The following MACROD2 variants were observed in gnomAD, a reference collection of about 807,000 sequenced individuals.
MACROD2 encodes the protein mono-ADP ribosylhydrolase 2, also known as ADP-ribose glycohydrolase MACROD2.
In MACROD2, 36 loss-of-function variants were observed where a neutral mutation model predicts 70.4. That is an observed-to-expected ratio of 0.51 (90% CI 0.39 to 0.68). The LOEUF is 0.68. MACROD2 is among the 30% of genes least tolerant of loss of function. The pLI is 0.00. For synonymous variants in MACROD2, 172 were observed against 178.8 expected, an observed-to-expected ratio of 0.96 and a Z score of 0.30; for missense variants, 496 against 538.4, an observed-to-expected ratio of 0.92 and a Z score of 0.78.
Position 14,326,277 on chromosome 20 carries a change from T to A in MACROD2, c.272-167202T>A. 6.2e-7 allele frequency: 1 copy of A among 1,613,910 alleles called. No individual in the cohort carries two copies. Among genetic ancestry groups the A allele is most frequent in the East Asian group, 2.2e-5 (1 of 44,856 alleles). On this transcript the variant is annotated intron_variant, in intron 3 of 17. Coordinates refer to ENST00000684519, the MANE Select transcript of MACROD2 (RefSeq NM_001351661.2). The surrounding 1 kb of genome is among the most constrained non-coding windows in gnomAD (Gnocchi z 5.5). ...TGACAGACTTCACAGTAATTGTAATTGTTTTTCTTGAGGGACTCCCTGTGG... is the reference window on the plus strand; with the variant it reads ...TGACAGACTTCACAGTAATTGTAATAGTTTTTCTTGAGGGACTCCCTGTGG...
intron 5 of MACROD2, among the ~76,000 whole-genome samples, chr20:14,914,167 A>G (rs1450107594): frequency 3.3e-5 from 5 of 152,178 alleles, no homozygotes; most frequent in Non-Finnish European, 5.9e-5. Context: ...TCCCTAACTC[A>G]GAGGAAACAT....
intron 5 of MACROD2, among the ~76,000 whole-genome samples, chr20:15,028,925 T>C (rs2075254168): frequency 6.6e-6 from 1 of 152,140 alleles, no homozygotes; most frequent in Admixed American, 6.5e-5. Context: ...TCGTGAATGG[T>C]GAGAGTCATT....
chr20:14,964,399 C>T (rs2074612425), intron 5 of MACROD2, among the ~76,000 whole-genome samples: 1 of 151,718 alleles, frequency 6.6e-6, no homozygotes, highest in South Asian at 2.1e-4. Flanking sequence ...GGTGAAACCC[C>T]GTCTCTACTA....
intron 5 of MACROD2, among the ~76,000 whole-genome samples, chr20:14,815,341 T>G (rs1480736171): frequency 6.6e-6 from 1 of 152,084 alleles, no homozygotes; most frequent in African/African-American, 2.4e-5. Flanking sequence ...ATCTTAAAAG[T>G]AGATGCATTT....
At chr20:15,162,919 C>G (rs2076358492) in intron 5 of MACROD2, among the ~76,000 whole-genome samples, 1 of 151,970 alleles carries the variant, frequency 6.6e-6, no homozygotes, top group African/African-American at 2.4e-5. Context: ...ATAAACATGA[C>G]TGTATAAAAT....
intron 3 of MACROD2, among the ~76,000 whole-genome samples, chr20:14,266,593 C>A (rs2082146258): frequency 6.6e-6 from 1 of 152,028 alleles, no homozygotes; most frequent in Non-Finnish European, 1.5e-5. Flanking sequence ...TAGCATATGT[C>A]CCTCTCTTCA....
intron 6 of MACROD2, among the ~76,000 whole-genome samples, chr20:15,422,899 G>A (rs963162859): frequency 6.6e-6 from 1 of 152,160 alleles, no homozygotes; most frequent in Non-Finnish European, 1.5e-5. Flanking sequence ...ACCTGTGCTT[G>A]TGCTTTCCAT....
chr20:14,485,437 C>G (rs866523732), intron 3 of MACROD2, among the ~76,000 whole-genome samples: 16 of 152,226 alleles, frequency 1.1e-4, no homozygotes, highest in East Asian at 3.9e-4. Context: ...CGTGGTGGCT[C>G]ACGCCTGTAA....
intron 5 of MACROD2, among the ~76,000 whole-genome samples, chr20:15,062,319 A>G (rs1367160228): frequency 6.6e-6 from 1 of 152,198 alleles, no homozygotes; most frequent in Non-Finnish European, 1.5e-5. Flanking sequence ...TAGTTGAGCA[A>G]TGATTTGTTT....
chr20:14,832,594 AG>A (rs772340310), intron 5 of MACROD2, among the ~76,000 whole-genome samples: 5 of 152,096 alleles, frequency 3.3e-5, no homozygotes, highest in African/African-American at 7.2e-5. Flanking sequence ...ACTGGTCTCA[AG>A]GGAATCCAAC....
intron 3 of MACROD2, among the ~76,000 whole-genome samples, chr20:14,482,646 T>A (rs945034243): frequency 1.3e-5 from 2 of 152,104 alleles, no homozygotes; most frequent in African/African-American, 4.8e-5. Context: ...AAATGATGTG[T>A]GTAGATTGGA....
chr20:14,848,066 CT>C (rs1366761150), intron 5 of MACROD2, among the ~76,000 whole-genome samples: 3 of 152,172 alleles, frequency 2.0e-5, no homozygotes, highest in Non-Finnish European at 4.4e-5. Flanking sequence ...TTTCTTCTCA[CT>C]ACAGATGAAA....
chr20:15,418,345 C>T (rs930064660), intron 6 of MACROD2, among the ~76,000 whole-genome samples: 9 of 152,064 alleles, frequency 5.9e-5, no homozygotes, highest in Non-Finnish European at 1.2e-4. Flanking sequence ...ATTCTCTCTC[C>T]CTCCTAACAA....
chr20:14,551,523 T>C (rs1354074972), intron 4 of MACROD2, among the ~76,000 whole-genome samples: 1 of 152,224 alleles, frequency 6.6e-6, no homozygotes, highest in Non-Finnish European at 1.5e-5. Context: ...ATTGACAATA[T>C]ATTTTTGTTT....
At chr20:15,384,055 C>T (rs2045678853) in intron 6 of MACROD2, among the ~76,000 whole-genome samples, 1 of 152,108 alleles carries the variant, frequency 6.6e-6, no homozygotes, top group African/African-American at 2.4e-5. Context: ...CCATAAATTT[C>T]ATGCTTTTAG....
At chr20:15,968,796 CGTATATATATATAT>C (rs1236793402) in intron 13 of MACROD2, among the ~76,000 whole-genome samples, 953 of 50,226 alleles carry the variant, frequency 0.019, 18 homozygotes, top group African/African-American at 0.051. Flanking sequence ...ATATATTATG[CGTATATATATATAT>C]ATATATATAT....
chr20:14,895,046 G>T (rs929507588), intron 5 of MACROD2: 3 of 152,120 alleles, frequency 2.0e-5, no homozygotes, highest in Non-Finnish European at 4.4e-5. Flanking sequence ...AATAGAAGAA[G>T]ATTTAGACAT....
intron 8 of MACROD2, among the ~76,000 whole-genome samples, chr20:15,653,009 G>A (rs936733363): frequency 1.1e-4 from 17 of 152,164 alleles, no homozygotes; most frequent in Non-Finnish European, 2.2e-4. Flanking sequence ...TGTTGGGCGA[G>A]GAATTCATTC....
At chr20:14,727,160 T>A (rs1229780895) in intron 5 of MACROD2, among the ~76,000 whole-genome samples, 1 of 152,152 alleles carries the variant, frequency 6.6e-6, no homozygotes, top group Non-Finnish European at 1.5e-5. Flanking sequence ...CCAGTAAACT[T>A]CCATTGAAAA....
Sources: allele counts gnomAD v4.1 joint callset (sites outside exome capture counted in the v4.1 genomes callset), GRCh38; gene constraint gnomAD v4.1.1; non-coding constraint Gnocchi (gnomAD v3.1); transcripts MANE v1.5; gene names NCBI Gene and HGNC (gene_info 2026-07-23, HGNC 2026-07-21).